Variants in AKNA observed in about 807,000 individuals in gnomAD.
The protein encoded by AKNA is microtubule organization protein AKNA.
In AKNA, 67 loss-of-function variants were observed where a neutral mutation model predicts 138.8. The observed-to-expected ratio is 0.48, with a 90% CI of 0.40 to 0.59. The LOEUF (loss-of-function observed/expected upper bound fraction) is 0.59, where lower values mean the gene tolerates loss of function less well. AKNA is among the 20% of genes least tolerant of loss of function. The probability of loss-of-function intolerance (pLI) is 0.00; values close to 1 mark genes in which losing one functional copy is unlikely to be tolerated. For synonymous variants in AKNA, 737 were observed against 754.4 expected (o/e 0.98, Z 0.38); for missense variants, 1,813 against 1,880.4 (o/e 0.96, Z 0.66).
Position 114,377,012 on chromosome 9 carries a change from G to A in AKNA, c.795C>T (p.Ser265=). The A allele has an allele frequency of 6.2e-7, 1 of 1,614,222 alleles. No homozygotes were observed. Among genetic ancestry groups the A allele is most frequent in the Non-Finnish European group, 8.5e-7 (1 of 1,180,030 alleles). Residue 265 remains serine, a synonymous_variant, in exon 3 of 22, where the codon TCC becomes TCT. Transcript: ENST00000374088. The part of the protein sequence containing the change: ...ARATPMEFQD[S]SAPPAQSPQH... ...GCGGACTCTGGGCTGGGGGAGCTGA[G>A]GAGTCCTGGAATTCCATGGGGGTTG...
chr9:114,386,868 C>T (rs1834069959), intron 1 of AKNA, among the ~76,000 whole-genome samples: 1 of 152,112 alleles, frequency 6.6e-6, no homozygotes, highest in African/African-American at 2.4e-5. Flanking sequence ...CTCTCCTTTG[C>T]CAGCACAGCT....
chr9:114,346,917 G>C (rs1394951850), intron 16 of AKNA, 133 bp from the exon 17 acceptor site: 1 of 699,510 alleles, frequency 1.4e-6, no homozygotes, highest in Non-Finnish European at 2.3e-6. Flanking sequence ...GTCAAAGCCA[G>C]ACTCTGAAGT....
downstream of AKNA, among the ~76,000 whole-genome samples, chr9:114,331,397 G>A (rs1829848896): frequency 6.6e-6 from 1 of 152,068 alleles, no homozygotes; most frequent in Non-Finnish European, 1.5e-5. Flanking sequence ...GAAAGTGCTT[G>A]GCGTGGAGCT....
At chr9:114,357,835 A>C (rs377005396) in intron 12 of AKNA, 86 bp downstream of exon 12, 1 of 1,562,334 alleles carries the variant, frequency 6.4e-7, no homozygotes. Context: ...AAGGAATAGC[A>C]CAAGGAAAGA....
upstream of AKNA, among the ~76,000 whole-genome samples, chr9:114,392,960 T>A (rs1001766139): frequency 7.2e-5 from 11 of 152,170 alleles, no homozygotes; most frequent in African/African-American, 2.4e-4. Flanking sequence ...GGAAAACACA[T>A]ACATAAATTC....
intron 4 of AKNA, among the ~76,000 whole-genome samples, chr9:114,370,374 CCT>C: frequency 6.6e-6 from 1 of 152,244 alleles, no homozygotes; most frequent in South Asian, 2.1e-4. Flanking sequence ...TCCCCAGACC[CCT>C]CTCTCAGCCT....
At chr9:114,377,582 C>G in intron 2 of AKNA, 50 bp from the exon 3 acceptor site, 1 of 1,502,582 alleles carries the variant, frequency 6.7e-7, no homozygotes, top group South Asian at 1.3e-5. Flanking sequence ...TCTGCACCCA[C>G]CTTGTAACTT....
chr9:114,346,615 C>T, intron 17 of AKNA, 54 bp downstream of exon 17: 1 of 1,420,016 alleles, frequency 7.0e-7, no homozygotes, highest in South Asian at 1.3e-5. Flanking sequence ...ACCACTGAGC[C>T]AACATGCTCA....
At chr9:114,351,805 T>C (rs938552659) in intron 14 of AKNA, among the ~76,000 whole-genome samples, 1 of 152,090 alleles carries the variant, frequency 6.6e-6, no homozygotes, top group Non-Finnish European at 1.5e-5. Context: ...CACTGCAGCC[T>C]GGGTGACAGA....
chr9:114,336,321 G>A lies in AKNA; in HGVS notation c.*733C>T, dbSNP rs2636869. ...CGGGAGGCGGCCTGGCCTCATGGCCGCAGACCGTGCCCCAGCCCGGGCCTG... is the reference window on the plus strand; with the variant it reads ...CGGGAGGCGGCCTGGCCTCATGGCCACAGACCGTGCCCCAGCCCGGGCCTG... On this transcript the variant is annotated 3_prime_UTR_variant, in exon 22 of 22. Coordinates refer to ENST00000374088, the MANE Select transcript of AKNA (RefSeq NM_001317950.2). 0.082 allele frequency: 12,573 copies of A among 152,712 alleles called. 1,778 individuals carry two copies. Among genetic ancestry groups the A allele is most frequent in the African/African-American group, 0.29 (11,958 of 41,498 alleles). 9.5% of individuals were successfully genotyped at this position (152,712 alleles called of 1,614,324 possible). A position where few individuals can be genotyped will look rare whatever the true frequency, so the allele number is the denominator to read the frequency against.
At chr9:114,371,320 G>A (rs1832754137) in intron 4 of AKNA, among the ~76,000 whole-genome samples, 1 of 152,236 alleles carries the variant, frequency 6.6e-6, no homozygotes, top group Non-Finnish European at 1.5e-5. Context: ...CCTACTTGTT[G>A]AATGATCTTG....
Position 114,359,961 on chromosome 9 carries a change from G to T in AKNA, c.2226C>A (p.Asp742Glu). 2 of 1,614,232 alleles carry T rather than the reference G, an allele frequency of 1.2e-6. No homozygotes were observed. The highest frequency in any genetic ancestry group is 1.7e-6 in the Non-Finnish European group (2 of 1,180,040). The stretch of plus-strand genomic sequence containing the variant: ...CCTTGTGCCTGAGTCGGGCCAGGGG[G>T]TCCTGTGGCCTGTCCTCCACCTCAC... The part of the protein sequence containing the change: ...GNSEVEDRPQ[D>E]PLARLRHKEL... Residue 742 changes from aspartate (D) to glutamate (E), a missense_variant, in exon 10 of 22, where the codon GAC (aspartate) becomes GAA (glutamate). By Grantham distance (45) the Asp-to-Glu change is conservative. Coordinates refer to ENST00000374088, the MANE Select transcript of AKNA (RefSeq NM_001317950.2).
chr9:114,347,404 G>C (rs1355627564), intron 16 of AKNA, among the ~76,000 whole-genome samples: 4 of 152,236 alleles, frequency 2.6e-5, no homozygotes, highest in African/African-American at 9.6e-5. Context: ...GTTTTTAGTA[G>C]AGACAGGGTT....
Position 114,336,616 on chromosome 9 carries a change from G to C in AKNA, c.*438C>G, listed in dbSNP as rs1026426224. 1 of 163,020 alleles carries C rather than the reference G, an allele frequency of 6.1e-6. No individual in the cohort carries two copies. Among genetic ancestry groups the C allele is most frequent in the African/African-American group, 2.4e-5 (1 of 41,952 alleles). 10.1% of individuals were successfully genotyped at this position (163,020 alleles called of 1,614,324 possible). A position where few individuals can be genotyped will look rare whatever the true frequency, so the allele number is the denominator to read the frequency against. Reference sequence around the variant, plus strand: ...CTTGCCCCAGAGTGACTGGTCACAGGTGGGGGACAGGTTTGCTCCAGAAAC... The same window carrying C: ...CTTGCCCCAGAGTGACTGGTCACAGCTGGGGGACAGGTTTGCTCCAGAAAC... On this transcript the variant is annotated 3_prime_UTR_variant, in exon 22 of 22. Coordinates refer to ENST00000374088, the MANE Select transcript of AKNA (RefSeq NM_001317950.2).
At chr9:114,385,231 C>CTG (rs1833947072) in intron 1 of AKNA, among the ~76,000 whole-genome samples, 1 of 152,148 alleles carries the variant, frequency 6.6e-6, no homozygotes, top group Admixed American at 6.5e-5. Flanking sequence ...CTTGGAAATC[C>CTG]CTGCCAGGGA....
At chr9:114,350,127 T>A (rs1831001356) in intron 15 of AKNA, among the ~76,000 whole-genome samples, 2 of 152,170 alleles carry the variant, frequency 1.3e-5, no homozygotes, top group Non-Finnish European at 2.9e-5. Flanking sequence ...AGGCCTGGCA[T>A]ACCCTAGACA....
chr9:114,330,820 T>C, downstream of AKNA: 2 of 1,613,956 alleles, frequency 1.2e-6, no homozygotes, highest in Non-Finnish European at 1.7e-6. Context: ...TAACTCCAGT[T>C]ACCTGAATGT....
chr9:114,395,826 T>C (rs573473997), upstream of AKNA, among the ~76,000 whole-genome samples: 93 of 151,784 alleles, frequency 6.1e-4, 1 homozygote, highest in South Asian at 0.018. Flanking sequence ...TTACTGAAAT[T>C]GGCCATGCCA....
chr9:114,360,498 G>T (rs745322175), intron 9 of AKNA, among the ~76,000 whole-genome samples: 2 of 152,104 alleles, frequency 1.3e-5, no homozygotes, highest in African/African-American at 2.4e-5. Flanking sequence ...ACCTTCAACT[G>T]CAGGAGCATG....
Sources: allele counts gnomAD v4.1 joint callset (sites outside exome capture counted in the v4.1 genomes callset), GRCh38; gene constraint gnomAD v4.1.1; transcripts MANE v1.5; gene names NCBI Gene and HGNC (gene_info 2026-07-23, HGNC 2026-07-21).